The following ANAPC1 variants were observed in gnomAD, a reference collection of about 807,000 sequenced individuals.
ANAPC1 encodes anaphase-promoting complex subunit 1.
A neutral mutation model predicts 208.0 loss-of-function variants in ANAPC1; 36 were observed. The observed-to-expected ratio is 0.17, with a 90% CI of 0.13 to 0.23. ANAPC1 has a LOEUF of 0.23. ANAPC1 is among the 10% of genes least tolerant of loss of function. The pLI, the probability that ANAPC1 is intolerant of heterozygous loss-of-function variation, is 1.00. For synonymous variants in ANAPC1, 378 were observed against 695.2 expected (o/e 0.54, Z 7.18); for missense variants, 942 against 2,011.6 (o/e 0.47, Z 10.17).
rs766749560 is a variant in ANAPC1 at position 111,838,394 on chromosome 2, T to C, written c.2115+44A>G. The C allele has an allele frequency of 8.2e-6, 12 of 1,468,824 alleles. No individual in the cohort carries two copies. The South Asian group carries it at 1.5e-4, about 19-fold the overall frequency. The allele number at this position is 1,468,824 out of a possible 1,614,324, so 91.0% of individuals were successfully genotyped here. ...CACAGAAGTGGAAGAATAGTATGAA[T>C]ATCCATAAATTAATTTATATTAGCA... On this transcript the variant is annotated intron_variant, in intron 18 of 47. Transcript: ENST00000341068.
intron 18 of ANAPC1, among the ~76,000 whole-genome samples, chr2:111,838,153 A>G (rs932226429): frequency 6.6e-6 from 1 of 152,024 alleles, no homozygotes; most frequent in African/African-American, 2.4e-5. Context: ...AACACTGCAT[A>G]AAAAAGGTAA....
intron 19 of ANAPC1, among the ~76,000 whole-genome samples, 168 bp from the exon 20 acceptor site, chr2:111,833,479 A>T (rs1680292060): frequency 6.8e-6 from 1 of 147,866 alleles, no homozygotes; most frequent in South Asian, 2.2e-4. Context: ...GCCCAGTGTG[A>T]CAAATGGAAC....
chr2:111,866,298 C>T lies in ANAPC1; in HGVS notation c.686-1347G>A, dbSNP rs1172650136. 8 of 383,394 alleles carry T rather than the reference C, an allele frequency of 2.1e-5. No homozygotes were observed. In the East Asian group the frequency reaches 6.4e-4, roughly 31 times the overall value. The allele number at this position is 383,394 out of a possible 1,614,324, so 23.7% of individuals were successfully genotyped here. On this transcript the variant is annotated intron_variant, in intron 7 of 47. Coordinates refer to ENST00000341068, the MANE Select transcript of ANAPC1 (RefSeq NM_022662.4). ...GAGTGTCTTCAATGCCTATGTGCTTCCCAAGCTGTATGTGAAGCTAAATTA... is the reference window on the plus strand; with the variant it reads ...GAGTGTCTTCAATGCCTATGTGCTTTCCAAGCTGTATGTGAAGCTAAATTA...
chr2:111,839,391 C>T (rs1308802159), intron 17 of ANAPC1, among the ~76,000 whole-genome samples: 2 of 152,238 alleles, frequency 1.3e-5, no homozygotes, highest in Non-Finnish European at 2.9e-5. Context: ...AGTTGCTCTT[C>T]TTCAATTTCC....
At chr2:111,859,209 G>A (rs181832006) in intron 10 of ANAPC1, among the ~76,000 whole-genome samples, 15 of 152,240 alleles carry the variant, frequency 9.9e-5, no homozygotes, top group Admixed American at 2.6e-4. Flanking sequence ...AAGGCCGGGT[G>A]TGGTGGCTCA....
At chr2:111,821,922 A>C (rs112053495) in intron 25 of ANAPC1, among the ~76,000 whole-genome samples, 5,857 of 152,030 alleles carry the variant, frequency 0.039, 258 homozygotes, top group African/African-American at 0.1. Context: ...ACTGAAAAAA[A>C]CACATTTTTT....
At chr2:111,874,784 G>C (rs1197785566) in intron 3 of ANAPC1, among the ~76,000 whole-genome samples, 1 of 152,154 alleles carries the variant, frequency 6.6e-6, no homozygotes, top group Admixed American at 6.5e-5. Context: ...CATATACCTA[G>C]AACTGGAACT....
At chr2:111,770,006 A>G (rs1184301663) in intron 47 of ANAPC1, among the ~76,000 whole-genome samples, 8 of 150,732 alleles carry the variant, frequency 5.3e-5, no homozygotes, top group Non-Finnish European at 1.2e-4. Flanking sequence ...TTAATCCAAA[A>G]ATCCCAAATC....
At chr2:111,783,230 T>C (rs1208525115) in intron 42 of ANAPC1, among the ~76,000 whole-genome samples, 1 of 152,236 alleles carries the variant, frequency 6.6e-6, no homozygotes, top group Non-Finnish European at 1.5e-5. Context: ...AGCTTTACTT[T>C]CTGACATGGT....
chr2:111,856,912 T>C (rs764115623), intron 11 of ANAPC1, 26 bp from the exon 12 acceptor site: 15 of 1,579,780 alleles, frequency 9.5e-6, no homozygotes, highest in African/African-American at 1.4e-5. Flanking sequence ...AAAAAGAAAC[T>C]TGATACATGC....
chr2:111,815,110 T>C (rs3115222), intron 28 of ANAPC1, among the ~76,000 whole-genome samples: 2 of 147,518 alleles, frequency 1.4e-5, no homozygotes, highest in African/African-American at 2.5e-5. Flanking sequence ...GAGAGCTTTC[T>C]TGTCACTCAT....
intron 38 of ANAPC1, among the ~76,000 whole-genome samples, chr2:111,790,150 G>C (rs1199677613): frequency 6.6e-6 from 1 of 152,112 alleles, no homozygotes; most frequent in Non-Finnish European, 1.5e-5. Context: ...ACACACTACA[G>C]CTAAATATAT....
chr2:111,833,186 T>A, intron 20 of ANAPC1, 34 bp downstream of exon 20: 1 of 1,559,714 alleles, frequency 6.4e-7, no homozygotes, highest in Non-Finnish European at 8.7e-7. Flanking sequence ...ATCACTACAC[T>A]GTTTAGAAAA....
At chr2:111,842,297 C>A (rs928921125) in intron 17 of ANAPC1, among the ~76,000 whole-genome samples, 4 of 152,174 alleles carry the variant, frequency 2.6e-5, no homozygotes, top group Admixed American at 2.6e-4. Flanking sequence ...TTTCTTAATT[C>A]CTCCATTTTC....
intron 3 of ANAPC1, among the ~76,000 whole-genome samples, chr2:111,876,615 T>C (rs1460024770): frequency 6.6e-6 from 1 of 152,186 alleles, no homozygotes; most frequent in Non-Finnish European, 1.5e-5. Context: ...ATATGAATTA[T>C]ATGGGAAAAA....
chr2:111,825,864 G>C lies in ANAPC1; in HGVS notation c.2626-9C>G, dbSNP rs1408739749. ...ATGTACAGTGCAATACTCTGCAAAGGAAGAAAATTAACATTATTTTTCTCT... is the reference window on the plus strand; with the variant it reads ...ATGTACAGTGCAATACTCTGCAAAGCAAGAAAATTAACATTATTTTTCTCT... On this transcript the variant is annotated splice_polypyrimidine_tract_variant and intron_variant, in intron 21 of 47. Transcript: ENST00000341068. 1.2e-6 allele frequency: 2 copies of C among 1,600,344 alleles called. No individual in the cohort carries two copies. The highest frequency in any genetic ancestry group is 1.7e-6 in the Non-Finnish European group (2 of 1,171,574).
rs1197233972 is a variant in ANAPC1, at chr2:111,800,107, G to A, written c.4296+690C>T. Reference sequence around the variant, plus strand: ...ACATTGAAATTCATCAAAAAATGTTGGATTAGATAGAGGAATAGATAAGTG... The same window carrying A: ...ACATTGAAATTCATCAAAAAATGTTAGATTAGATAGAGGAATAGATAAGTG... On this transcript the variant is annotated intron_variant, in intron 34 of 47. Transcript: ENST00000341068. Among the ~76,000 whole-genome samples, 2 of 102,668 alleles carry A rather than the reference G, an allele frequency of 1.9e-5. 1 individual carries two copies. Among genetic ancestry groups the A allele is most frequent in the Admixed American group, 2.0e-4 (2 of 9,798 alleles). 67.4% of individuals were successfully genotyped at this position (102,668 alleles called of 152,430 possible). A position where few individuals can be genotyped will look rare whatever the true frequency, so the allele number is the denominator to read the frequency against.
At chr2:111,806,014 G>C (rs1573362974) in intron 29 of ANAPC1, 121 bp from the exon 30 acceptor site, 1 of 501,658 alleles carries the variant, frequency 2.0e-6, no homozygotes. Flanking sequence ...ACTCCATTCA[G>C]AAAGTTATGA....
At chr2:111,879,130 A>G (rs1683167326) in intron 2 of ANAPC1, among the ~76,000 whole-genome samples, 159 bp from the exon 3 acceptor site, 1 of 152,246 alleles carries the variant, frequency 6.6e-6, no homozygotes, top group Non-Finnish European at 1.5e-5. Context: ...TATATGCATT[A>G]CACTACAGAA....
Sources: allele counts gnomAD v4.1 joint callset (sites outside exome capture counted in the v4.1 genomes callset), GRCh38; gene constraint gnomAD v4.1.1; transcripts MANE v1.5; gene names NCBI Gene and HGNC (gene_info 2026-07-23, HGNC 2026-07-21).